The following ZBTB25 variants were observed in gnomAD, a reference collection of about 807,000 sequenced individuals.
The protein encoded by ZBTB25 is zinc finger and BTB domain containing 25.
Under a neutral mutation model 34.2 loss-of-function variants are expected in ZBTB25, and 20 were observed. The observed-to-expected ratio is 0.58, with a 90% CI of 0.41 to 0.85. ZBTB25 has a LOEUF of 0.85. ZBTB25 is among the 40% of genes least tolerant of loss of function. The probability of loss-of-function intolerance (pLI) is 0.00; values close to 1 mark genes in which losing one functional copy is unlikely to be tolerated. For missense variants in ZBTB25, 437 were observed against 521.8 expected (o/e 0.84, Z 1.58); for synonymous variants, 175 against 186.4 (o/e 0.94, Z 0.50).
downstream of ZBTB25, among the ~76,000 whole-genome samples, chr14:64,477,283 G>A (rs985770833): frequency 5.9e-5 from 9 of 152,310 alleles, 1 homozygote; most frequent in Admixed American, 5.2e-4. Flanking sequence ...GCACTGTGTT[G>A]TGCATTGTCT....
intron 1 of ZBTB25, among the ~76,000 whole-genome samples, chr14:64,493,147 A>T (rs1000133290): frequency 6.6e-6 from 1 of 152,242 alleles, no homozygotes; most frequent in African/African-American, 2.4e-5. Context: ...CATACAGAAT[A>T]TAAGACTAAA....
At chr14:64,497,274 T>C (rs1425117567) in intron 1 of ZBTB25, among the ~76,000 whole-genome samples, 1 of 152,212 alleles carries the variant, frequency 6.6e-6, no homozygotes, top group Admixed American at 6.5e-5. Context: ...AATAGCCCCA[T>C]TCCATTGAGT....
upstream of ZBTB25, chr14:64,505,053 G>C (rs2079622348): frequency 2.7e-6 from 1 of 373,714 alleles, no homozygotes. Context: ...GCCGATCCGT[G>C]CGGGGAGCCG....
rs776940616 is a variant in ZBTB25, at chr14:64,488,008, A to C, written c.223T>G (p.Tyr75Asp). ...PTDIQPDIFS[Y>D]LLHIMYTGKG... ...CCCGTGTACATAATGTGCAACAAAT[A>C]GCTGAATATGTCAGGTTGGATGTCA... The change falls in exon 3 of 3, where the codon TAT becomes GAT. Residue 75 changes from tyrosine to aspartate, a missense_variant. Physicochemically the swap from Tyr to Asp is radical, Grantham distance 160. Coordinates refer to ENST00000608382, the MANE Select transcript of ZBTB25 (RefSeq NM_006977.5). The C allele has an allele frequency of 6.2e-7, 1 of 1,614,086 alleles. No homozygotes were observed. Among genetic ancestry groups the C allele is most frequent in the Non-Finnish European group, 8.5e-7 (1 of 1,179,940 alleles).
intron 1 of ZBTB25, among the ~76,000 whole-genome samples, chr14:64,500,123 A>C (rs2079435677): frequency 6.6e-6 from 1 of 152,238 alleles, no homozygotes; most frequent in South Asian, 2.1e-4. Context: ...AGTCCATTAA[A>C]GACAAACCAA....
chr14:64,501,447 T>C (rs1475849926), intron 1 of ZBTB25, among the ~76,000 whole-genome samples: 1 of 152,248 alleles, frequency 6.6e-6, no homozygotes, highest in Non-Finnish European at 1.5e-5. Flanking sequence ...AATATTTTCT[T>C]AGCTTTCTCT....
Position 64,478,206 on chromosome 14 carries a change from T to C in ZBTB25, c.*8717A>G, listed in dbSNP as rs2078737519. 1 of 152,192 alleles carries C rather than the reference T, an allele frequency of 6.6e-6. No homozygotes were observed. Among genetic ancestry groups the C allele is most frequent in the East Asian group, 1.9e-4 (1 of 5,202 alleles). 9.4% of individuals were successfully genotyped at this position (152,192 alleles called of 1,614,324 possible). A position where few individuals can be genotyped will look rare whatever the true frequency, so the allele number is the denominator to read the frequency against. On this transcript the variant is annotated 3_prime_UTR_variant, in exon 3 of 3. Coordinates refer to ENST00000608382, the MANE Select transcript of ZBTB25 (RefSeq NM_006977.5). ...GTAAAATAAACTTAGGAGAAGCAAC[T>C]GGTGATTAGGTACAAAGTCCTAGGA...
intron 2 of ZBTB25, chr14:64,453,816 AT>A: frequency 6.2e-7 from 1 of 1,613,268 alleles, no homozygotes; most frequent in Non-Finnish European, 8.5e-7. Flanking sequence ...ATGACATTGA[AT>A]TACTTCCCGA....
intron 2 of ZBTB25, among the ~76,000 whole-genome samples, chr14:64,464,344 TACAA>T (rs1216545340): frequency 6.6e-6 from 1 of 152,206 alleles, no homozygotes; most frequent in Non-Finnish European, 1.5e-5. Context: ...AATTCTTAAT[TACAA>T]CTAAACTAGA....
rs1596577165 is a variant in ZBTB25 at position 64,460,199 on chromosome 14, A to G, written c.174-10561T>C. ...TCTGAGAGGACACATAATTCAGGGG[A>G]CCTCCTGAGAGGGTTGGGTTGGAAG... On this transcript the variant is annotated intron_variant, in intron 2 of 2. Transcript: ENST00000555220. The G allele has an allele frequency of 2.2e-5, 8 of 365,898 alleles. No individual in the cohort carries two copies. The East Asian group carries it at 3.1e-4, about 14-fold the overall frequency. 22.7% of individuals were successfully genotyped at this position (365,898 alleles called of 1,614,324 possible).
intron 2 of ZBTB25, among the ~76,000 whole-genome samples, 164 bp from the exon 3 acceptor site, chr14:64,488,221 C>T (rs919935865): frequency 2.6e-5 from 4 of 152,134 alleles, no homozygotes; most frequent in Admixed American, 1.3e-4. Context: ...TCATTTTATA[C>T]CAACTTTATG....
At chr14:64,449,356 T>TA in exon 3 of ZBTB25, 2 of 1,439,358 alleles carry the variant, frequency 1.4e-6, no homozygotes, top group Non-Finnish European at 1.9e-6. Flanking sequence ...TATCAGTGGG[T>TA]AATTCACATG....
intron 2 of ZBTB25, chr14:64,454,903 G>C: frequency 1.2e-6 from 2 of 1,612,298 alleles, no homozygotes; most frequent in Non-Finnish European, 1.7e-6. Flanking sequence ...GGGAGTAGTG[G>C]GCGCATCTGC....
chr14:64,490,208 CAAAAAAAAAAAAAAAAAAAAAA>C (rs61367816), intron 2 of ZBTB25, among the ~76,000 whole-genome samples, 131 bp downstream of exon 2: 47,146 of 92,638 alleles, frequency 0.51, 9,841 homozygotes, highest in Admixed American at 0.65. Context: ...ACTCTGTCGC[CAAAAAAAAAAAAAAAAAAAAAA>C]AAAAAAAAAA....
chr14:64,503,436 G>A, intron 1 of ZBTB25: 1 of 985,428 alleles, frequency 1.0e-6, no homozygotes, highest in Non-Finnish European at 1.2e-6. Flanking sequence ...CCGCTCCTAC[G>A]AGCAGCAAAG....
chr14:64,477,813 C>G (rs770725800), downstream of ZBTB25, among the ~76,000 whole-genome samples: 3 of 152,186 alleles, frequency 2.0e-5, no homozygotes, highest in Non-Finnish European at 4.4e-5. Flanking sequence ...TACACAAGAT[C>G]CCATTCCTCA....
At chr14:64,462,612 G>A (rs1294855839) in intron 2 of ZBTB25, 1 of 152,062 alleles carries the variant, frequency 6.6e-6, no homozygotes, top group Non-Finnish European at 1.5e-5. Context: ...TAAACAAATT[G>A]TACATTCTCT....
rs2141015060 is a variant in ZBTB25, at chr14:64,481,945, AC to A, written c.*4977del. Reference sequence around the variant, plus strand: ...ATGGCCCATTTTTACATCAATTACTACAAAAAATGGACATTTATCAAGTATC... The same window carrying A: ...ATGGCCCATTTTTACATCAATTACTAAAAAAATGGACATTTATCAAGTATC... On this transcript the variant is annotated 3_prime_UTR_variant, in exon 3 of 3. Transcript: ENST00000608382. 1 of 151,062 alleles carries A rather than the reference AC, an allele frequency of 6.6e-6. No individual in the cohort carries two copies. The highest frequency in any genetic ancestry group is 1.9e-4 in the East Asian group (1 of 5,196). 9.4% of individuals were successfully genotyped at this position (151,062 alleles called of 1,614,324 possible).
chr14:64,503,283 G>A (rs774720110), intron 1 of ZBTB25: 55 of 985,322 alleles, frequency 5.6e-5, no homozygotes, highest in East Asian at 1.1e-4. Flanking sequence ...AAAGTCGCCC[G>A]CTCGTAAGAG....
Sources: gnomAD v4.1 joint callset for allele counts (sites outside exome capture counted in the v4.1 genomes callset) on GRCh38, gnomAD v4.1.1 for gene constraint, MANE v1.5 for transcripts, NCBI Gene and HGNC (gene_info 2026-07-23, HGNC 2026-07-21) for gene names.